The following PTCHD4 variants were observed in gnomAD, a reference collection of about 807,000 sequenced individuals.
PTCHD4 encodes patched domain-containing protein 4.
PTCHD4 carries 33 observed loss-of-function variants against 58.1 expected under a neutral mutation model. The observed-to-expected ratio is 0.57, with a 90% CI of 0.43 to 0.76. The LOEUF (loss-of-function observed/expected upper bound fraction) is 0.76. Among genes scored for constraint, PTCHD4 ranks in the 30% least tolerant of loss-of-function variants. PTCHD4 has a pLI of 0.00. For missense variants in PTCHD4, 1,058 were observed against 1,027.1 expected (o/e 1.03, Z -0.41); for synonymous variants, 478 against 409.6 (o/e 1.17, Z -2.02).
At chr6:47,908,943 A>G (rs1764984213) in intron 4 of PTCHD4, among the ~76,000 whole-genome samples, 1 of 152,214 alleles carries the variant, frequency 6.6e-6, no homozygotes, top group African/African-American at 2.4e-5. Context: ...AATAGAAAAG[A>G]CACAACGCTT....
At chr6:47,902,957 A>T (rs1267031779) in intron 4 of PTCHD4, among the ~76,000 whole-genome samples, 3 of 152,214 alleles carry the variant, frequency 2.0e-5, no homozygotes, top group African/African-American at 7.2e-5. Context: ...TGGTTAGCAC[A>T]GATAATTTAA....
At chr6:47,989,864 G>C (rs1768216591) in intron 4 of PTCHD4, among the ~76,000 whole-genome samples, 1 of 152,152 alleles carries the variant, frequency 6.6e-6, no homozygotes, top group Non-Finnish European at 1.5e-5. Flanking sequence ...TGCGAAGAAG[G>C]CCACTGTCTT....
At chr6:47,968,612 T>C (rs1264520132) in intron 4 of PTCHD4, among the ~76,000 whole-genome samples, 1 of 152,180 alleles carries the variant, frequency 6.6e-6, no homozygotes, top group African/African-American at 2.4e-5. Context: ...ATGAACTAGG[T>C]GCTTTCCTGA....
At chr6:47,902,934 G>T (rs1458132869) in intron 4 of PTCHD4, among the ~76,000 whole-genome samples, 1 of 152,164 alleles carries the variant, frequency 6.6e-6, no homozygotes, top group Admixed American at 6.5e-5. Context: ...ATGATGACCC[G>T]AGAGTGAAGG....
intron 4 of PTCHD4, among the ~76,000 whole-genome samples, chr6:47,951,702 A>G (rs1766659810): frequency 6.6e-6 from 1 of 152,170 alleles, no homozygotes; most frequent in Non-Finnish European, 1.5e-5. Flanking sequence ...ATCTCAGAAG[A>G]ATATTTGACC....
At chr6:47,936,069 CA>C (rs1438208113) in intron 4 of PTCHD4, among the ~76,000 whole-genome samples, 13 of 152,086 alleles carry the variant, frequency 8.5e-5, no homozygotes, top group Admixed American at 5.2e-4. Context: ...TTTGGAAACA[CA>C]GAAATGACCT....
At chr6:47,936,469 T>C (rs1363055089) in intron 4 of PTCHD4, among the ~76,000 whole-genome samples, 1 of 152,256 alleles carries the variant, frequency 6.6e-6, no homozygotes, top group Non-Finnish European at 1.5e-5. Context: ...CCTGATACCA[T>C]GACTCTCTCT....
chr6:48,030,537 T>A (rs1208869435), intron 3 of PTCHD4, among the ~76,000 whole-genome samples: 2 of 152,100 alleles, frequency 1.3e-5, no homozygotes, highest in African/African-American at 4.8e-5. Flanking sequence ...GATTACTTGA[T>A]ATAAACTCCA....
At chr6:48,046,771 TAA>T (rs1764049361) in intron 3 of PTCHD4, among the ~76,000 whole-genome samples, 1 of 151,852 alleles carries the variant, frequency 6.6e-6, no homozygotes, top group African/African-American at 2.4e-5. Flanking sequence ...GCACATAAAA[TAA>T]AGTTTCCCCA....
intron 4 of PTCHD4, among the ~76,000 whole-genome samples, chr6:47,894,430 T>A (rs1417090103): frequency 6.6e-6 from 1 of 152,204 alleles, no homozygotes; most frequent in African/African-American, 2.4e-5. Context: ...TCAGTCCCCA[T>A]CTGTGTTACT....
Position 47,865,739 on chromosome 6 carries a change from A to G in PTCHD4, c.*12564T>C, listed in dbSNP as rs1271606333. On this transcript the variant is annotated 3_prime_UTR_variant, in exon 5 of 5. Transcript: ENST00000339488. ...GGTTCAGGTCTCTCATCTCCAGTCT[A>G]ACCTACACTTAGAACATTGCAGATT... is the stretch of plus-strand genomic sequence containing the variant. Among the ~76,000 whole-genome samples, 3 of 151,802 alleles carry G rather than the reference A, an allele frequency of 2.0e-5. No individual in the cohort carries two copies.
At chr6:47,978,705 T>A (rs1022062725) in intron 4 of PTCHD4, among the ~76,000 whole-genome samples, 3 of 152,140 alleles carry the variant, frequency 2.0e-5, no homozygotes, top group Non-Finnish European at 2.9e-5. Context: ...CAGTGATGGT[T>A]AAGCAAACAG....
rs532151747 is a variant in PTCHD4, at chr6:47,925,440, G to T, written c.899-45504C>A. ...TATAGACAGAGTTACACATCTCACT[G>T]GCAGGGTATTTTCCTAGTACTCTTA... On this transcript the variant is annotated intron_variant, in intron 4 of 4. Coordinates refer to ENST00000339488, the MANE Select transcript of PTCHD4 (RefSeq NM_001384253.1). Among the ~76,000 whole-genome samples the T allele has an allele frequency of 6.6e-5, 10 of 152,182 alleles. 1 individual carries two copies. The highest frequency in any genetic ancestry group is 3.4e-3 in the Middle Eastern group (1 of 294).
intron 4 of PTCHD4, among the ~76,000 whole-genome samples, chr6:47,907,811 C>A (rs765975003): frequency 3.9e-5 from 6 of 152,238 alleles, no homozygotes; most frequent in African/African-American, 1.2e-4. Context: ...GGCAAGGTAG[C>A]ACACAGCTTT....
chr6:47,860,150 A>G lies in PTCHD4; in HGVS notation c.*18153T>C, dbSNP rs1431808129. Among the ~76,000 whole-genome samples, 1 of 151,986 alleles carries G rather than the reference A, an allele frequency of 6.6e-6. No homozygotes were observed. The highest frequency in any genetic ancestry group is 1.5e-5 in the Non-Finnish European group (1 of 67,962). On this transcript the variant is annotated 3_prime_UTR_variant, in exon 5 of 5. Transcript: ENST00000339488. ...CTATACCCAGATTCTCTTAACTCTA[A>G]AGTATGAATCATGCAATCATTTCTT...
chr6:48,009,491 C>T (rs553204650), intron 3 of PTCHD4, among the ~76,000 whole-genome samples: 2 of 152,248 alleles, frequency 1.3e-5, no homozygotes, highest in South Asian at 4.2e-4. Context: ...AAAAGTAAAG[C>T]TTGCCATGAA....
intron 1 of PTCHD4, among the ~76,000 whole-genome samples, chr6:48,090,714 G>T (rs1423278293): frequency 6.6e-6 from 1 of 152,114 alleles, no homozygotes; most frequent in Non-Finnish European, 1.5e-5. Flanking sequence ...TCATAATGTA[G>T]AATGCGCATT....
intron 1 of PTCHD4, among the ~76,000 whole-genome samples, chr6:48,075,969 T>C (rs1334066732): frequency 6.6e-6 from 1 of 152,228 alleles, no homozygotes; most frequent in African/African-American, 2.4e-5. Flanking sequence ...GATTTCTCTG[T>C]AGCATGAAAT....
At position 47,874,001 on chromosome 6, in the gene PTCHD4, G is replaced by A. The variant is rs1024137859; in HGVS notation, c.*4302C>T. On this transcript the variant is annotated 3_prime_UTR_variant, in exon 5 of 5. Coordinates refer to ENST00000339488, the MANE Select transcript of PTCHD4 (RefSeq NM_001384253.1). The stretch of plus-strand genomic sequence containing the variant: ...CTGAACAGAAAGATCCCTGTAGTAG[G>A]ATGCCGAGCAAATCATTGACTTCTC... Among the ~76,000 whole-genome samples the A allele has an allele frequency of 2.0e-5, 3 of 151,706 alleles. No homozygotes were observed. The highest frequency in any genetic ancestry group is 7.3e-5 in the African/African-American group (3 of 41,362).
Sources: allele counts gnomAD v4.1 joint callset (sites outside exome capture counted in the v4.1 genomes callset), GRCh38; gene constraint gnomAD v4.1.1; transcripts MANE v1.5; gene names NCBI Gene and HGNC (gene_info 2026-07-23, HGNC 2026-07-21).